The following COX16 variants were observed in gnomAD, a reference collection of about 807,000 sequenced individuals.
The protein encoded by COX16 is cytochrome c oxidase assembly factor COX16.
In COX16, 12 loss-of-function variants were observed where a neutral mutation model predicts 15.4. The ratio of observed to expected loss-of-function variants is 0.78; its 90% confidence interval spans 0.50 to 1.26. COX16 has a LOEUF of 1.26. COX16 is among the 50% of genes most tolerant of loss of function. COX16 has a pLI of 0.00. For synonymous variants in COX16, 46 were observed against 41.1 expected (o/e 1.12, Z -0.46); for missense variants, 124 against 127.6 (o/e 0.97, Z 0.14).
intron 1 of COX16, among the ~76,000 whole-genome samples, chr14:70,352,194 A>AT (rs1466406482): frequency 2.6e-5 from 4 of 151,986 alleles, no homozygotes; most frequent in Non-Finnish European, 5.9e-5. Context: ...TTATTTATTT[A>AT]TTTATTTTTT....
At chr14:70,329,126 A>G (rs775626673) in intron 3 of COX16, 48 bp downstream of exon 3, 1 of 1,550,822 alleles carries the variant, frequency 6.4e-7, no homozygotes, top group Non-Finnish European at 8.7e-7. Context: ...GGCAGATAAA[A>G]CCAGTAACTG....
chr14:70,358,406 G>GCTCT (rs1887199799), intron 1 of COX16, among the ~76,000 whole-genome samples: 3 of 129,054 alleles, frequency 2.3e-5, no homozygotes, highest in Non-Finnish European at 4.7e-5. Context: ...GAGAGACAGA[G>GCTCT]GTCTTGCTGG....
chr14:70,342,466 C>A (rs924146490), intron 2 of COX16, among the ~76,000 whole-genome samples, 192 bp downstream of exon 2: 1 of 151,980 alleles, frequency 6.6e-6, no homozygotes. Flanking sequence ...AGAAAGATTA[C>A]GAAATTAGTT....
intron 1 of COX16, among the ~76,000 whole-genome samples, chr14:70,351,385 A>T (rs1886950112): frequency 6.6e-6 from 1 of 152,236 alleles, no homozygotes; most frequent in Non-Finnish European, 1.5e-5. Flanking sequence ...AGAGATAATA[A>T]TTGTAACATA....
intron 2 of COX16, among the ~76,000 whole-genome samples, chr14:70,335,585 C>A (rs1359825776): frequency 6.9e-6 from 1 of 145,836 alleles, no homozygotes; most frequent in African/African-American, 2.6e-5. Context: ...ACACAACGCT[C>A]CTGAATGACC....
chr14:70,353,574 T>C (rs1372286831), intron 1 of COX16, among the ~76,000 whole-genome samples: 1 of 151,772 alleles, frequency 6.6e-6, no homozygotes. Context: ...AGTGCAGTGG[T>C]GTGACCTCAG....
At chr14:70,344,987 ATGT>A (rs1370714310) in intron 1 of COX16, among the ~76,000 whole-genome samples, 2 of 151,976 alleles carry the variant, frequency 1.3e-5, no homozygotes, top group Non-Finnish European at 1.5e-5. Context: ...TCACCACCTC[ATGT>A]TGTCTGTTGG....
chr14:70,348,003 C>T (rs1247862018), intron 1 of COX16, among the ~76,000 whole-genome samples: 1 of 152,100 alleles, frequency 6.6e-6, no homozygotes. Flanking sequence ...AGCCCCCATC[C>T]TCACTCTCCC....
intron 1 of COX16, among the ~76,000 whole-genome samples, chr14:70,346,541 A>G (rs1886788261): frequency 6.6e-6 from 1 of 152,206 alleles, no homozygotes; most frequent in East Asian, 1.9e-4. Flanking sequence ...TCACTTCCTA[A>G]GCCGGCCAAA....
intron 2 of COX16, among the ~76,000 whole-genome samples, chr14:70,338,781 T>C (rs1440454972): frequency 6.6e-6 from 1 of 152,206 alleles, no homozygotes; most frequent in Non-Finnish European, 1.5e-5. Context: ...AAACTTATGA[T>C]TGATTTATAA....
chr14:70,355,375 C>T (rs1887095304), intron 1 of COX16, among the ~76,000 whole-genome samples: 1 of 152,202 alleles, frequency 6.6e-6, no homozygotes, highest in Non-Finnish European at 1.5e-5. Flanking sequence ...CTCAACTCTC[C>T]AATGTTGGCA....
intron 2 of COX16, among the ~76,000 whole-genome samples, chr14:70,338,796 T>C (rs561864253): frequency 4.6e-5 from 7 of 152,214 alleles, no homozygotes; most frequent in Non-Finnish European, 7.3e-5. Context: ...TTATAAGTAC[T>C]TGCCTGCCTC....
At chr14:70,345,702 C>T (rs572555246) in intron 1 of COX16, among the ~76,000 whole-genome samples, 3 of 152,246 alleles carry the variant, frequency 2.0e-5, no homozygotes, top group South Asian at 2.1e-4. Context: ...TTCCTTATGT[C>T]CAGGCCTTTT....
At chr14:70,349,649 A>C (rs1026379319) in intron 1 of COX16, among the ~76,000 whole-genome samples, 1 of 151,582 alleles carries the variant, frequency 6.6e-6, no homozygotes, top group Non-Finnish European at 1.5e-5. Flanking sequence ...AGTTGTGGAC[A>C]AAAAAAATCT....
chr14:70,348,363 C>G (rs1246126192), intron 1 of COX16, among the ~76,000 whole-genome samples: 1 of 152,208 alleles, frequency 6.6e-6, no homozygotes, highest in Admixed American at 6.5e-5. Context: ...CTAACCAGCT[C>G]TCATGTAAAC....
At position 70,359,503 on chromosome 14, in the gene COX16, T is replaced by C. The variant is rs995215748; in HGVS notation, c.69+16A>G. 1 of 1,611,590 alleles carries C rather than the reference T, an allele frequency of 6.2e-7. No individual in the cohort carries two copies. The highest frequency in any genetic ancestry group is 1.1e-5 in the South Asian group (1 of 91,030). On this transcript the variant is annotated intron_variant, in intron 1 of 3. Transcript: ENST00000389912. Reference sequence around the variant, plus strand: ...GGGTCCCACCCCTTGCGGAAGATCCTCCTCACTCCACTCACCAACATGGGG... The same window carrying C: ...GGGTCCCACCCCTTGCGGAAGATCCCCCTCACTCCACTCACCAACATGGGG...
At chr14:70,331,219 G>A (rs1886278036) in intron 2 of COX16, among the ~76,000 whole-genome samples, 2 of 152,230 alleles carry the variant, frequency 1.3e-5, no homozygotes, top group South Asian at 4.1e-4. Context: ...TATTGGCTAG[G>A]ATGGTCTTGA....
chr14:70,334,086 A>G lies in COX16; in HGVS notation c.142-4850T>C, dbSNP rs139594312. Among the ~76,000 whole-genome samples, 182 of 152,376 alleles carry G rather than the reference A, an allele frequency of 1.2e-3. 1 individual carries two copies. The highest frequency in any genetic ancestry group is 4.3e-3 in the African/African-American group (179 of 41,596). ...ACCTGTCCCAAAAGAAATGCTAAAG[A>G]GAGTTCTTCATACTAAAAGATAAGA... On this transcript the variant is annotated intron_variant, in intron 2 of 3. Coordinates refer to ENST00000389912, the MANE Select transcript of COX16 (RefSeq NM_016468.7).
chr14:70,327,935 AAC>A (rs1353819657), intron 3 of COX16, among the ~76,000 whole-genome samples: 7 of 152,096 alleles, frequency 4.6e-5, no homozygotes, highest in African/African-American at 1.7e-4. Flanking sequence ...GCTGAGAAAA[AAC>A]AGTGTCAAGA....
Sources: gnomAD v4.1 joint callset for allele counts (sites outside exome capture counted in the v4.1 genomes callset) on GRCh38, gnomAD v4.1.1 for gene constraint, MANE v1.5 for transcripts, NCBI Gene and HGNC (gene_info 2026-07-23, HGNC 2026-07-21) for gene names.